JCAD: variants seen among roughly 807,000 people sequenced by gnomAD.
JCAD encodes the protein junctional cadherin 5-associated protein.
A neutral mutation model predicts 98.0 loss-of-function variants in JCAD; 40 were observed. The ratio of observed to expected loss-of-function variants is 0.41; its 90% CI spans 0.32 to 0.53. The LOEUF (loss-of-function observed/expected upper bound fraction) is 0.53, where lower values mean the gene tolerates loss of function less well. Ranked by LOEUF, JCAD falls within the 20% of genes least tolerant of loss-of-function variation. The pLI, the probability that JCAD is intolerant of heterozygous loss-of-function variation, is 0.31. For missense variants in JCAD, 1,705 were observed against 1,738.1 expected, an observed-to-expected ratio of 0.98 and a Z score of 0.34; for synonymous variants, 691 against 682.3, an observed-to-expected ratio of 1.01 and a Z score of -0.20.
intron 1 of JCAD, among the ~76,000 whole-genome samples, chr10:30,071,287 A>G (rs1299489665): frequency 6.6e-6 from 1 of 152,142 alleles, no homozygotes; most frequent in Non-Finnish European, 1.5e-5. Flanking sequence ...AATTGTCCTA[A>G]TATCATCATT....
intron 2 of JCAD, among the ~76,000 whole-genome samples, chr10:30,035,030 G>A (rs145745933): frequency 5.1e-4 from 77 of 152,246 alleles, no homozygotes; most frequent in African/African-American, 1.4e-3. Context: ...AAACCGTACC[G>A]TGTGGCTTTG....
Position 30,026,353 on chromosome 10 carries a change from C to G in JCAD, c.3795G>C (p.Val1265=), listed in dbSNP as rs539560118. 19 of 1,614,194 alleles carry G rather than the reference C, an allele frequency of 1.2e-5. No individual in the cohort carries two copies. In the South Asian group the frequency reaches 1.9e-4, roughly 16 times the overall value. The change falls in exon 3 of 4, where the codon GTG becomes GTC. Residue 1265 remains valine, a synonymous_variant. Coordinates refer to ENST00000375377, the MANE Select transcript of JCAD (RefSeq NM_020848.4). ...GGACTCTCATCCGTGACACTGAGCT[C>G]ACCTCTTTCATTCTCATCAGGCGGT... is the stretch of plus-strand genomic sequence containing the variant. ...DPDRLMRMKE[V]SSVSRMRVLS...
chr10:30,095,451 G>T lies in JCAD; in HGVS notation n.128+19916C>A, dbSNP rs560110081. Among the ~76,000 whole-genome samples the T allele has an allele frequency of 1.1e-4, 16 of 152,284 alleles. No individual in the cohort carries two copies. In the East Asian group the frequency reaches 3.1e-3, roughly 29 times the overall value. On this transcript the variant is annotated intron_variant and non_coding_transcript_variant, in intron 1 of 2. Transcript: ENST00000465712. The stretch of plus-strand genomic sequence containing the variant: ...CACCAGTGTCCCAGGTGCCTTGGAG[G>T]TATTTTCTCAGCTCCACCCAACAAC...
chr10:30,056,046 C>T (rs10826755), intron 1 of JCAD, among the ~76,000 whole-genome samples: 1 of 151,960 alleles, frequency 6.6e-6, no homozygotes, highest in African/African-American at 2.4e-5. Context: ...TTAAGTACCT[C>T]ATTAACATTT....
Position 30,013,420 on chromosome 10 carries a change from G to A in JCAD, c.*4463C>T, listed in dbSNP as rs1836466725. 1 of 151,978 alleles carries A rather than the reference G, an allele frequency of 6.6e-6. No homozygotes were observed. The allele number at this position is 151,978 out of a possible 1,614,324, so 9.4% of individuals were successfully genotyped here. ...CTTCTCTGACAGGCCTGACTGTGAGGGCTCGAATTTCAGCTGACCTAGGTG... is the reference window on the plus strand; with the variant it reads ...CTTCTCTGACAGGCCTGACTGTGAGAGCTCGAATTTCAGCTGACCTAGGTG... On this transcript the variant is annotated 3_prime_UTR_variant, in exon 4 of 4. Transcript: ENST00000375377.
chr10:30,044,803 T>C, intron 2 of JCAD: 9 of 983,648 alleles, frequency 9.1e-6, no homozygotes, highest in Non-Finnish European at 1.1e-5. Flanking sequence ...TCCCTCCAAT[T>C]TTCAGTTCTC....
chr10:30,097,890 C>T (rs1485784873), intron 1 of JCAD, among the ~76,000 whole-genome samples: 1 of 152,164 alleles, frequency 6.6e-6, no homozygotes, highest in African/African-American at 2.4e-5. Context: ...TTCCTGAGCC[C>T]AAGGATAAGC....
At chr10:30,092,269 T>C (rs1157325290) in intron 1 of JCAD, among the ~76,000 whole-genome samples, 1 of 143,896 alleles carries the variant, frequency 6.9e-6, no homozygotes, top group East Asian at 2.0e-4. Context: ...AGGGGAGGAG[T>C]TTGTCCAGTG....
At chr10:30,026,082 C>A in intron 3 of JCAD, 21 bp downstream of exon 3, 1 of 1,613,942 alleles carries the variant, frequency 6.2e-7, no homozygotes, top group Non-Finnish European at 8.5e-7. Flanking sequence ...TGAGCACCTG[C>A]CTGTCTGCCT....
chr10:30,089,140 G>A (rs1189539332), intron 1 of JCAD, among the ~76,000 whole-genome samples: 1 of 152,118 alleles, frequency 6.6e-6, no homozygotes, highest in African/African-American at 2.4e-5. Flanking sequence ...ATTGAGCACT[G>A]TGCTGGGGGT....
chr10:30,081,287 T>G (rs955294027), intron 1 of JCAD, among the ~76,000 whole-genome samples: 2 of 152,254 alleles, frequency 1.3e-5, no homozygotes, highest in African/African-American at 2.4e-5. Context: ...GTCTGGAATT[T>G]CTTTGGTTAC....
chr10:30,052,440 G>GA (rs999136090), intron 1 of JCAD, among the ~76,000 whole-genome samples: 5 of 152,170 alleles, frequency 3.3e-5, no homozygotes, highest in African/African-American at 1.2e-4. Flanking sequence ...GCTGCCCCAG[G>GA]AAAAAGAGTA....
Position 30,016,032 on chromosome 10 carries a change from T to C in JCAD, c.*1851A>G, listed in dbSNP as rs1836524541. ...GAAAACTGGAGTGCACTCTCACTTT[T>C]CATAAGAGCTGAATTCTGGACTGCA... On this transcript the variant is annotated 3_prime_UTR_variant, in exon 4 of 4. Coordinates refer to ENST00000375377, the MANE Select transcript of JCAD (RefSeq NM_020848.4). The C allele has an allele frequency of 6.6e-6, 1 of 152,202 alleles. No homozygotes were observed. Among genetic ancestry groups the C allele is most frequent in the South Asian group, 2.1e-4 (1 of 4,830 alleles). The allele number at this position is 152,202 out of a possible 1,614,324, so 9.4% of individuals were successfully genotyped here. A position where few individuals can be genotyped will look rare whatever the true frequency, so the allele number is the denominator to read the frequency against.
rs1836846415 is a variant in JCAD, at chr10:30,027,415, AC to A, written c.2732del (p.Ser911IlefsTer65). 1.2e-6 allele frequency: 2 copies of A among 1,604,572 alleles called. No individual in the cohort carries two copies. The highest frequency in any genetic ancestry group is 1.3e-5 in the African/African-American group (1 of 74,722). ...SPVCRSGRGE[S>X]KSESWSEELQ... ...GCTCCTCACTCCAGCTCTCAGACTTACTCTCACCTCTTCCCGACCTACACAC... is the reference window on the plus strand; with the variant it reads ...GCTCCTCACTCCAGCTCTCAGACTTATCTCACCTCTTCCCGACCTACACAC... On this transcript the variant is annotated frameshift_variant, in exon 3 of 4. Transcript: ENST00000375377. LOFTEE classifies it high-confidence loss of function.
At position 30,028,754 on chromosome 10, in the gene JCAD, T is replaced by C; in HGVS notation, c.1394A>G (p.His465Arg). ...SSPVTAQEPA[H>R]GGMQPDGAIW... is the part of the protein sequence containing the mutation. ...GGCACCATCAGGCTGCATTCCTCCA[T>C]GAGCCGGCTCTTGAGCAGTGACAGG... The change falls in exon 3 of 4, where the codon CAT (histidine) becomes CGT (arginine). Residue 465 changes from histidine to arginine, a missense_variant. Transcript: ENST00000375377. The C allele has an allele frequency of 6.2e-7, 1 of 1,614,174 alleles. No individual in the cohort carries two copies.
chr10:30,088,956 C>T (rs912686244), intron 1 of JCAD, among the ~76,000 whole-genome samples: 4 of 152,060 alleles, frequency 2.6e-5, no homozygotes, highest in Non-Finnish European at 1.5e-5. Flanking sequence ...CCAGCCTGGG[C>T]GACAGAGCGA....
Position 30,016,658 on chromosome 10 carries a change from G to A in JCAD, c.*1225C>T, listed in dbSNP as rs2132596518. 6.6e-6 allele frequency: 1 copy of A among 152,076 alleles called. No individual in the cohort carries two copies. Among genetic ancestry groups the A allele is most frequent in the Admixed American group, 6.5e-5 (1 of 15,270 alleles). 9.4% of individuals were successfully genotyped at this position (152,076 alleles called of 1,614,324 possible). On this transcript the variant is annotated 3_prime_UTR_variant, in exon 4 of 4. Coordinates refer to ENST00000375377, the MANE Select transcript of JCAD (RefSeq NM_020848.4). Reference sequence around the variant, plus strand: ...ATAAAAATACGTATTTCTTTAAAGGGGTGGGGTGGCAGGGTGGGAAGAAAA... The same window carrying A: ...ATAAAAATACGTATTTCTTTAAAGGAGTGGGGTGGCAGGGTGGGAAGAAAA...
In JCAD at chr10:30,027,534, C is replaced by T; in HGVS notation, c.2614G>A (p.Ala872Thr). ...CCCACATCCTCCTGTCTGCAGTGAG[C>T]ACGGTTCTCCTGCTGCGGCTCCGCC... ...SEAEPQQENR[A>T]HCRQEDVGFR... The change falls in exon 3 of 4, where the codon GCT (alanine) becomes ACT (threonine). Residue 872 changes from alanine to threonine, a missense_variant. This residue lies in a region of JCAD where 1,278 missense variants were observed against 1,243.1 expected (regional missense o/e 1.03). Transcript: ENST00000375377. The T allele has an allele frequency of 1.9e-6, 3 of 1,613,066 alleles. No homozygotes were observed. The highest frequency in any genetic ancestry group is 2.5e-6 in the Non-Finnish European group (3 of 1,180,038).
rs1252054450 is a variant in JCAD at position 30,029,401 on chromosome 10, T to A, written c.747A>T (p.Pro249=). The A allele has an allele frequency of 6.2e-7, 1 of 1,613,796 alleles. No homozygotes were observed. Among genetic ancestry groups the A allele is most frequent in the Non-Finnish European group, 8.5e-7 (1 of 1,179,966 alleles). ...ESLSCTEIPI[P]LNERHSPKMP... is the part of the protein sequence containing the mutation. ...TTTTAGGTGAATGTCTTTCATTTAA[T>A]GGAATGGGAATTTCCGTGCAACTCA... is the stretch of plus-strand genomic sequence containing the variant. The change falls in exon 3 of 4, where the codon CCA becomes CCT. Residue 249 remains proline, a synonymous_variant. Transcript: ENST00000375377.
Sources: gnomAD v4.1 joint callset for allele counts (sites outside exome capture counted in the v4.1 genomes callset) on GRCh38, gnomAD v4.1.1 for gene constraint, gnomAD v4.1.1 regional missense constraint, MANE v1.5 for transcripts, NCBI Gene and HGNC (gene_info 2026-07-23, HGNC 2026-07-21) for gene names.